PLD5: variants seen among roughly 807,000 people sequenced by gnomAD.
PLD5 encodes phospholipase D family member 5.
In PLD5, 36 loss-of-function variants were observed where a neutral mutation model predicts 61.1. The observed-to-expected ratio is 0.59, with a 90% CI of 0.45 to 0.78. The LOEUF is 0.78. Among genes scored for constraint, PLD5 ranks in the 30% least tolerant of loss-of-function variants. PLD5 has a pLI of 0.00. For missense variants in PLD5, 515 were observed against 644.4 expected, an observed-to-expected ratio of 0.80 and a Z score of 2.17; for synonymous variants, 243 against 242.8, an observed-to-expected ratio of 1.00 and a Z score of -0.01.
At chr1:242,265,301 C>G in intron 4 of PLD5, 36 bp downstream of exon 4, 1 of 1,586,586 alleles carries the variant, frequency 6.3e-7, no homozygotes. Flanking sequence ...TAACAGAACA[C>G]CCAGCGGTAG....
intron 1 of PLD5, among the ~76,000 whole-genome samples, chr1:242,420,654 T>C (rs1275355614): frequency 1.3e-5 from 2 of 152,078 alleles, no homozygotes; most frequent in Non-Finnish European, 2.9e-5. Flanking sequence ...TCTTTCTACT[T>C]CTGCTTTTCT....
intron 2 of PLD5, among the ~76,000 whole-genome samples, chr1:242,344,288 G>A (rs2149216090): frequency 6.6e-6 from 1 of 152,254 alleles, no homozygotes; most frequent in East Asian, 1.9e-4. Flanking sequence ...TCTAATCAGA[G>A]CACACCTAGA....
intron 9 of PLD5, among the ~76,000 whole-genome samples, chr1:242,094,278 C>T (rs1204225210): frequency 1.3e-5 from 2 of 152,262 alleles, no homozygotes; most frequent in Non-Finnish European, 2.9e-5. Flanking sequence ...CTTTTGAGTG[C>T]CTTCCATCCA....
chr1:242,345,418 T>G (rs1342164103), intron 2 of PLD5: 1 of 498,530 alleles, frequency 2.0e-6, no homozygotes, highest in African/African-American at 2.0e-5. Context: ...GAAGTGGATA[T>G]TAAATGTATT....
chr1:242,314,746 G>A (rs868185882), intron 2 of PLD5, among the ~76,000 whole-genome samples: 1 of 140,674 alleles, frequency 7.1e-6, no homozygotes, highest in Non-Finnish European at 1.5e-5. Context: ...TATATTTAAA[G>A]ATGGATCTCC....
chr1:242,495,525 G>A (rs1033932826), intron 1 of PLD5, among the ~76,000 whole-genome samples: 4 of 152,000 alleles, frequency 2.6e-5, no homozygotes, highest in African/African-American at 7.2e-5. Context: ...GAAATAATAT[G>A]TTCAATGTTA....
intron 1 of PLD5, among the ~76,000 whole-genome samples, chr1:242,349,520 A>T (rs1660353667): frequency 6.6e-6 from 1 of 152,172 alleles, no homozygotes; most frequent in Admixed American, 6.5e-5. Context: ...TATTTAACTG[A>T]CATTGTTCAT....
chr1:242,467,801 A>T (rs895563862), intron 1 of PLD5, among the ~76,000 whole-genome samples: 1 of 152,126 alleles, frequency 6.6e-6, no homozygotes, highest in Admixed American at 6.5e-5. Flanking sequence ...GAGAAGCACC[A>T]TCCCAAAATG....
chr1:242,112,353 A>ATATATATATATATATATATATG (rs1661596693), intron 7 of PLD5, among the ~76,000 whole-genome samples: 1 of 146,732 alleles, frequency 6.8e-6, no homozygotes, highest in African/African-American at 2.5e-5. Flanking sequence ...ATATATATAT[A>ATATATATATATATATATATATG]GATGGAGTCT....
At chr1:242,311,992 C>T (rs544795873) in intron 2 of PLD5, among the ~76,000 whole-genome samples, 1 of 151,948 alleles carries the variant, frequency 6.6e-6, no homozygotes, top group South Asian at 2.1e-4. Context: ...TTCAAGACTG[C>T]TGTTGCATCT....
At chr1:242,288,652 T>C in intron 2 of PLD5, 122 bp from the exon 3 acceptor site, 1 of 1,424,682 alleles carries the variant, frequency 7.0e-7, no homozygotes, top group East Asian at 2.6e-5. Context: ...ATGCATTCTC[T>C]CCTCATAATT....
At chr1:242,513,581 G>C (rs2103004251) in intron 1 of PLD5, among the ~76,000 whole-genome samples, 1 of 152,318 alleles carries the variant, frequency 6.6e-6, no homozygotes, top group Admixed American at 6.5e-5. Context: ...CAGATCATAA[G>C]TAACCCGAGG....
chr1:242,331,578 A>C (rs963584784), intron 2 of PLD5, among the ~76,000 whole-genome samples: 2 of 152,210 alleles, frequency 1.3e-5, no homozygotes, highest in African/African-American at 2.4e-5. Flanking sequence ...GGCCTCTGAA[A>C]ACATAATTGC....
At chr1:242,122,333 T>C (rs1289589259) in intron 6 of PLD5, among the ~76,000 whole-genome samples, 1 of 152,230 alleles carries the variant, frequency 6.6e-6, no homozygotes, top group Non-Finnish European at 1.5e-5. Context: ...TGTAAATGTA[T>C]GCAACAACCA....
chr1:242,482,575 T>C (rs1251234986), intron 1 of PLD5, among the ~76,000 whole-genome samples: 5 of 152,126 alleles, frequency 3.3e-5, no homozygotes, highest in African/African-American at 1.2e-4. Flanking sequence ...ACCAAATCTA[T>C]GTCTGATTGG....
intron 1 of PLD5, among the ~76,000 whole-genome samples, chr1:242,389,469 G>C (rs968391248): frequency 2.0e-5 from 3 of 151,864 alleles, no homozygotes; most frequent in African/African-American, 7.3e-5. Flanking sequence ...TATTTATTAA[G>C]CTCCCATATT....
intron 1 of PLD5, among the ~76,000 whole-genome samples, chr1:242,433,821 C>T (rs1013369654): frequency 1.3e-5 from 2 of 152,088 alleles, no homozygotes; most frequent in Admixed American, 6.5e-5. Flanking sequence ...AGAGGGGAAT[C>T]GCCCAGACAG....
intron 1 of PLD5, among the ~76,000 whole-genome samples, chr1:242,371,461 T>A (rs1292983343): frequency 6.6e-6 from 1 of 152,106 alleles, no homozygotes; most frequent in Non-Finnish European, 1.5e-5. Context: ...AGAAGCGTAC[T>A]GAATCATCAA....
At chr1:242,208,514 A>G (rs757115110) in intron 5 of PLD5, among the ~76,000 whole-genome samples, 1 of 152,138 alleles carries the variant, frequency 6.6e-6, no homozygotes, top group Non-Finnish European at 1.5e-5. Flanking sequence ...CTGAAACAGC[A>G]TTTCATAACA....
Sources: allele counts gnomAD v4.1 joint callset (sites outside exome capture counted in the v4.1 genomes callset), GRCh38; gene constraint gnomAD v4.1.1; transcripts MANE v1.5; gene names NCBI Gene and HGNC (gene_info 2026-07-23, HGNC 2026-07-21).